Variants in IFNG-AS1 observed in about 807,000 individuals in gnomAD.
IFNG-AS1 encodes IFNG antisense RNA 1 (non-protein coding).
chr12:68,020,933 C>T (rs1482525488), intron 4 of IFNG-AS1: 2 of 152,114 alleles, frequency 1.3e-5, no homozygotes, highest in Admixed American at 1.3e-4. Flanking sequence ...ACCACTTCCC[C>T]ATATACACGT....
chr12:68,005,651 T>G (rs148227998), intron 2 of IFNG-AS1, among the ~76,000 whole-genome samples: 3,108 of 152,288 alleles, frequency 0.02, 40 homozygotes, highest in Non-Finnish European at 0.032. Context: ...AATACCTCAG[T>G]AATCAAAATA....
intron 2 of IFNG-AS1, among the ~76,000 whole-genome samples, chr12:68,004,408 C>T (rs1879860238): frequency 6.6e-6 from 1 of 152,182 alleles, no homozygotes; most frequent in Admixed American, 6.5e-5. Flanking sequence ...TCCTCTCTTC[C>T]CAATGCTGGA....
intron 3 of IFNG-AS1, among the ~76,000 whole-genome samples, chr12:68,012,414 T>C (rs1464335824): frequency 1.3e-5 from 2 of 152,186 alleles, no homozygotes; most frequent in Admixed American, 6.5e-5. Context: ...GTCATGCAGC[T>C]GTGTTAGCCT....
Sources: allele counts gnomAD v4.1 joint callset (sites outside exome capture counted in the v4.1 genomes callset), GRCh38; gene constraint gnomAD v4.1.1; transcripts MANE v1.5; gene names NCBI Gene and HGNC (gene_info 2026-07-23, HGNC 2026-07-21).